COL24A1: variants seen among roughly 807,000 people sequenced by gnomAD.
The protein encoded by COL24A1 is collagen type XXIV alpha 1 chain, also known as collagen alpha-1(XXIV) chain.
COL24A1 carries 224 observed loss-of-function variants against 253.9 expected under a neutral mutation model. The observed-to-expected ratio is 0.88, with a 90% CI of 0.79 to 0.99. COL24A1 has a LOEUF of 0.99. Ranked by LOEUF, COL24A1 falls within the 50% of genes least tolerant of loss-of-function variation. The pLI is 0.00. For missense variants in COL24A1, 2,131 were observed against 2,068.5 expected (o/e 1.03, Z -0.59); for synonymous variants, 685 against 673.7 (o/e 1.02, Z -0.26).
At position 86,017,208 on chromosome 1, in the gene COL24A1, A is replaced by C; in HGVS notation, c.2257-4T>G. 1.9e-6 allele frequency: 3 copies of C among 1,558,718 alleles called. No individual in the cohort carries two copies. Among genetic ancestry groups the C allele is most frequent in the South Asian group, 1.2e-5 (1 of 83,120 alleles). On this transcript the variant is annotated splice_polypyrimidine_tract_variant and splice_region_variant and intron_variant, in intron 18 of 59. Transcript: ENST00000370571. ...GTCCTGGGTCACCTGTTTGGCCCTA[A>C]AATGGGGGGGGAGGATCAAAGTATA...
intron 35 of COL24A1, among the ~76,000 whole-genome samples, chr1:85,873,008 TCAA>T (rs571402881): frequency 4.6e-5 from 7 of 151,942 alleles, no homozygotes; most frequent in Non-Finnish European, 7.4e-5. Flanking sequence ...AACAAGCCCA[TCAA>T]CAAGTGGGTG....
intron 34 of COL24A1, 147 bp downstream of exon 34, chr1:85,875,130 G>T: frequency 1.5e-6 from 1 of 687,352 alleles, no homozygotes; most frequent in South Asian, 1.8e-5. Context: ...CTGTCATAAG[G>T]AATAGGAGTT....
rs766100352 is a variant in COL24A1 at position 86,125,644 on chromosome 1, G to T, written c.692C>A (p.Ser231Tyr). The T allele has an allele frequency of 1.9e-6, 3 of 1,612,788 alleles. No homozygotes were observed. The highest frequency in any genetic ancestry group is 4.5e-5 in the East Asian group (2 of 44,836). ...QLDIIPSAEASADYCRYVKQQ... is the reference protein window; with the variant it reads ...QLDIIPSAEAYADYCRYVKQQ... The stretch of plus-strand genomic sequence containing the variant: ...TTTCACATATCTGCAGTAGTCTGCA[G>T]ATGCTTCTGCAGAAGGAATAATATC... The change falls in exon 3 of 60, where the codon TCT becomes TAT. Residue 231 changes from serine to tyrosine, a missense_variant. Coordinates refer to ENST00000370571, the MANE Select transcript of COL24A1 (RefSeq NM_152890.7).
In COL24A1 at chr1:85,938,317, G is replaced by A. The variant is rs117597718; in HGVS notation, c.2562+22932C>T. On this transcript the variant is annotated intron_variant, in intron 24 of 59. Transcript: ENST00000370571. ...GAGCTCTGCAGACATGGAGGCCCTC[G>A]TCCTCAAAGGGAACACATTTTCACC... is the stretch of plus-strand genomic sequence containing the variant. Among the ~76,000 whole-genome samples, 10 of 146,596 alleles carry A rather than the reference G, an allele frequency of 6.8e-5. 1 individual carries two copies. The highest frequency in any genetic ancestry group is 4.3e-4 in the East Asian group (2 of 4,602).
In COL24A1 at chr1:86,124,730, A is replaced by G. The variant is rs1572003958; in HGVS notation, c.1491+115T>C. Reference sequence around the variant, plus strand: ...CTGTGCCAGAATGCATTTCCATGACAGACTTTATCTGTTATGTATTGTTTG... The same window carrying G: ...CTGTGCCAGAATGCATTTCCATGACGGACTTTATCTGTTATGTATTGTTTG... On this transcript the variant is annotated intron_variant, in intron 3 of 59. Coordinates refer to ENST00000370571, the MANE Select transcript of COL24A1 (RefSeq NM_152890.7). The G allele has an allele frequency of 4.2e-6, 3 of 715,916 alleles. No individual in the cohort carries two copies. In the East Asian group the frequency reaches 9.3e-5, roughly 22 times the overall value. The allele number at this position is 715,916 out of a possible 1,614,324, so 44.3% of individuals were successfully genotyped here.
At chr1:86,017,700 G>A (rs1185021617) in intron 18 of COL24A1, among the ~76,000 whole-genome samples, 1 of 152,110 alleles carries the variant, frequency 6.6e-6, no homozygotes, top group Non-Finnish European at 1.5e-5. Context: ...CAATAAAATA[G>A]AAATAATAAT....
At chr1:86,112,641 C>G in intron 4 of COL24A1, 21 bp from the exon 5 acceptor site, 1 of 1,611,264 alleles carries the variant, frequency 6.2e-7, no homozygotes, top group Non-Finnish European at 8.5e-7. Context: ...CGAAAAAAGT[C>G]ATCATTCTTG....
intron 2 of COL24A1, among the ~76,000 whole-genome samples, chr1:86,129,864 A>T (rs1648889077): frequency 6.6e-6 from 1 of 151,858 alleles, no homozygotes; most frequent in South Asian, 2.1e-4. Context: ...TACAAAATTT[A>T]ATACATACCA....
chr1:85,896,281 T>C, intron 29 of COL24A1, 75 bp downstream of exon 29: 1 of 1,388,274 alleles, frequency 7.2e-7, no homozygotes, highest in East Asian at 2.3e-5. Context: ...GGAAATATAT[T>C]GTTTTTTAGA....
chr1:86,026,691 C>T (rs1049593295), intron 14 of COL24A1, among the ~76,000 whole-genome samples: 2 of 152,136 alleles, frequency 1.3e-5, no homozygotes, highest in Admixed American at 6.6e-5. Flanking sequence ...TTACAGTAAA[C>T]TGGTACTGCA....
intron 55 of COL24A1, among the ~76,000 whole-genome samples, chr1:85,754,923 A>G (rs1666061406): frequency 6.6e-6 from 1 of 152,186 alleles, no homozygotes. Context: ...TAAAGAGATC[A>G]TGGCTGAAAA....
chr1:86,047,823 T>A (rs563324938), intron 11 of COL24A1, among the ~76,000 whole-genome samples: 7 of 152,114 alleles, frequency 4.6e-5, no homozygotes, highest in Non-Finnish European at 7.4e-5. Flanking sequence ...TACTTGCAGA[T>A]TAAAGCATCT....
At chr1:85,780,355 C>A (rs1322653268) in intron 52 of COL24A1, among the ~76,000 whole-genome samples, 2 of 151,936 alleles carry the variant, frequency 1.3e-5, no homozygotes, top group Non-Finnish European at 2.9e-5. Flanking sequence ...TGAATCTTTC[C>A]TCTCTAAGTC....
chr1:86,131,550 A>C (rs1467540734), intron 2 of COL24A1, among the ~76,000 whole-genome samples: 1 of 128,032 alleles, frequency 7.8e-6, no homozygotes, highest in Non-Finnish European at 1.6e-5. Flanking sequence ...TGTGATGTTC[A>C]CCTTCCTGTG....
intron 45 of COL24A1, among the ~76,000 whole-genome samples, chr1:85,821,375 T>C (rs984399139): frequency 6.6e-6 from 1 of 152,198 alleles, no homozygotes; most frequent in Non-Finnish European, 1.5e-5. Flanking sequence ...TCTAGTGTTG[T>C]TTCTGTTGCT....
chr1:85,968,594 T>C (rs901050739), intron 22 of COL24A1, among the ~76,000 whole-genome samples: 1 of 152,194 alleles, frequency 6.6e-6, no homozygotes, highest in Non-Finnish European at 1.5e-5. Context: ...AATTTAGATA[T>C]ACAGAACAAG....
chr1:86,097,897 TTAAA>T (rs1246175086), intron 5 of COL24A1, among the ~76,000 whole-genome samples: 1 of 152,126 alleles, frequency 6.6e-6, no homozygotes, highest in Non-Finnish European at 1.5e-5. Context: ...CACTTGGATG[TTAAA>T]TAGTGATCTC....
chr1:85,861,563 T>C (rs936050940), intron 37 of COL24A1, among the ~76,000 whole-genome samples: 14 of 152,214 alleles, frequency 9.2e-5, no homozygotes, highest in Non-Finnish European at 1.3e-4. Flanking sequence ...GAGTTCATTT[T>C]TTTCTGCAGT....
intron 20 of COL24A1, among the ~76,000 whole-genome samples, chr1:85,981,166 G>A (rs1221448866): frequency 2.6e-5 from 4 of 151,902 alleles, no homozygotes; most frequent in Non-Finnish European, 4.4e-5. Context: ...AATTCCTTTG[G>A]AACCAAAAAA....
Sources: gnomAD v4.1 joint callset for allele counts (sites outside exome capture counted in the v4.1 genomes callset) on GRCh38, gnomAD v4.1.1 for gene constraint, MANE v1.5 for transcripts, NCBI Gene and HGNC (gene_info 2026-07-23, HGNC 2026-07-21) for gene names.